Variants in BLTP1 observed in about 807,000 individuals in gnomAD.
BLTP1 encodes the protein bridge-like lipid transfer protein family member 1, also known as fragile site-associated protein.
At chr4:122,276,247 T>C in the BLTP1 span, 1 of 395,322 alleles carries the variant, frequency 2.5e-6, no homozygotes, top group Non-Finnish European at 4.0e-6. Context: ...GTTGACAAGT[T>C]GTAACACTGT....
the BLTP1 span, among the ~76,000 whole-genome samples, chr4:122,267,115 G>C: frequency 7.9e-6 from 1 of 126,268 alleles, no homozygotes; most frequent in Non-Finnish European, 1.6e-5. Flanking sequence ...CTGGAGTGCA[G>C]TGGCGCAATC....
At chr4:122,320,457 G>C in the BLTP1 span, among the ~76,000 whole-genome samples, 1 of 152,126 alleles carries the variant, frequency 6.6e-6, no homozygotes, top group African/African-American at 2.4e-5. Context: ...AGCCCACTTT[G>C]TTGTTAGGCA....
the BLTP1 span, chr4:122,207,892 G>T: frequency 1.0e-6 from 1 of 984,396 alleles, no homozygotes; most frequent in Non-Finnish European, 1.2e-6. Flanking sequence ...GATCTCTGTG[G>T]CTAATCTGTA....
At chr4:122,209,109 A>G in the BLTP1 span, 5 of 1,523,660 alleles carry the variant, frequency 3.3e-6, no homozygotes, top group South Asian at 3.9e-5. Flanking sequence ...ATTAACCAAC[A>G]TATTTATGCA....
At chr4:122,327,126 G>GTTTTGTTTTGTT in the BLTP1 span, among the ~76,000 whole-genome samples, 63 of 151,386 alleles carry the variant, frequency 4.2e-4, no homozygotes, top group African/African-American at 1.4e-3. Flanking sequence ...GTTTTGTTTT[G>GTTTTGTTTTGTT]TTTTGTTTGA....
the BLTP1 span, chr4:122,336,413 A>G: frequency 8.7e-7 from 1 of 1,150,228 alleles, no homozygotes; most frequent in Non-Finnish European, 1.2e-6. Flanking sequence ...ATTATATAGA[A>G]GGTTTTCTTA....
the BLTP1 span, chr4:122,246,721 T>C: frequency 1.9e-6 from 3 of 1,612,876 alleles, no homozygotes; most frequent in Non-Finnish European, 2.5e-6. Context: ...TGGAAGAATC[T>C]CCAACTACGG....
At chr4:122,356,473 AAACT>A in the BLTP1 span, 3 of 820,644 alleles carry the variant, frequency 3.7e-6, no homozygotes, top group Non-Finnish European at 5.6e-6. Flanking sequence ...AGTGCTTAAC[AAACT>A]ATCATCATCC....
the BLTP1 span, chr4:122,249,553 T>C: frequency 3.7e-6 from 6 of 1,613,656 alleles, no homozygotes; most frequent in Non-Finnish European, 5.1e-6. Flanking sequence ...TCTTGAAGAG[T>C]TGGATGAATT....
chr4:122,336,854 T>A, the BLTP1 span: 1 of 1,582,664 alleles, frequency 6.3e-7, no homozygotes, highest in Non-Finnish European at 8.6e-7. Flanking sequence ...GATCTAATAA[T>A]AAAACTTAAC....
the BLTP1 span, among the ~76,000 whole-genome samples, chr4:122,332,651 T>G: frequency 6.8e-6 from 1 of 146,842 alleles, no homozygotes; most frequent in Admixed American, 6.9e-5. Flanking sequence ...TTTATTATAC[T>G]CTAAGTTTTA....
the BLTP1 span, chr4:122,345,999 G>A: frequency 4.1e-6 from 4 of 983,790 alleles, no homozygotes; most frequent in East Asian, 2.3e-4. Flanking sequence ...GGACATTTAG[G>A]TGGAAGGTTC....
chr4:122,307,942 T>C, the BLTP1 span: 2 of 1,611,848 alleles, frequency 1.2e-6, no homozygotes, highest in Admixed American at 3.4e-5. Flanking sequence ...GTCTTAATTA[T>C]CAAAAGCTGT....
At chr4:122,359,673 G>T in the BLTP1 span, 1 of 1,612,470 alleles carries the variant, frequency 6.2e-7, no homozygotes, top group Non-Finnish European at 8.5e-7. Flanking sequence ...TACTACTGTG[G>T]ACTGGAGAGA....
At chr4:122,303,954 T>G in the BLTP1 span, among the ~76,000 whole-genome samples, 1 of 152,148 alleles carries the variant, frequency 6.6e-6, no homozygotes. Flanking sequence ...GACTGTAACT[T>G]TGGAAGAGGT....
At chr4:122,216,754 G>A in the BLTP1 span, among the ~76,000 whole-genome samples, 5 of 152,182 alleles carry the variant, frequency 3.3e-5, no homozygotes, top group South Asian at 1.0e-3. Context: ...CTGTGCAGAA[G>A]TTTTTTAGTT....
At chr4:122,356,854 T>C in the BLTP1 span, 2 of 1,491,762 alleles carry the variant, frequency 1.3e-6, no homozygotes, top group South Asian at 1.4e-5. Context: ...GAGTGGAATA[T>C]ATCTCCCGTG....
At chr4:122,172,895 G>T in the BLTP1 span, 1 of 1,516,888 alleles carries the variant, frequency 6.6e-7, no homozygotes, top group Non-Finnish European at 8.8e-7. Context: ...TGCTTTTCTG[G>T]ATTATGAATG....
chr4:122,316,500 G>A, the BLTP1 span: 13 of 524,840 alleles, frequency 2.5e-5, no homozygotes, highest in Non-Finnish European at 4.5e-5. Flanking sequence ...GCTCCCCTCA[G>A]TCTAGCCAGT....
Sources: gnomAD v4.1 joint callset for allele counts (sites outside exome capture counted in the v4.1 genomes callset) on GRCh38, gnomAD v4.1.1 for gene constraint, MANE v1.5 for transcripts, NCBI Gene and HGNC (gene_info 2026-07-23, HGNC 2026-07-21) for gene names.